The following NIBAN2 variants were observed in gnomAD, a reference collection of about 807,000 sequenced individuals.
NIBAN2 encodes niban apoptosis regulator 2, also known as protein Niban 2.
Under a neutral mutation model 81.8 loss-of-function variants are expected in NIBAN2, and 36 were observed. The observed-to-expected ratio is 0.44, with a 90% CI of 0.34 to 0.58. NIBAN2 has a LOEUF of 0.58. Ranked by LOEUF, NIBAN2 falls within the 20% of genes least tolerant of loss-of-function variation. The probability of loss-of-function intolerance (pLI) is 0.02; values close to 1 mark genes in which losing one functional copy is unlikely to be tolerated. For missense variants in NIBAN2, 897 were observed against 1,014.1 expected (o/e 0.88, Z 1.57); for synonymous variants, 445 against 441.6 (o/e 1.01, Z -0.10).
chr9:127,565,946 TCACACACACACACA>T (rs10682812), intron 1 of NIBAN2, among the ~76,000 whole-genome samples: 1 of 130,556 alleles, frequency 7.7e-6, no homozygotes. Context: ...TCTCTCTCTC[TCACACACACACACA>T]CACACACACA....
chr9:127,568,760 G>A, intron 1 of NIBAN2, 60 bp downstream of exon 1: 1 of 1,226,402 alleles, frequency 8.2e-7, no homozygotes, highest in Non-Finnish European at 1.0e-6. Context: ...GCCGGGGCGG[G>A]GGCGTGGTCC....
intron 1 of NIBAN2, among the ~76,000 whole-genome samples, chr9:127,547,881 C>A (rs1837502936): frequency 6.6e-6 from 1 of 152,136 alleles, no homozygotes; most frequent in South Asian, 2.1e-4. Context: ...ACTTTACGAT[C>A]CCCCATCTTG....
In NIBAN2 at chr9:127,549,419, G is replaced by A. The variant is rs530664913; in HGVS notation, c.56-17641C>T. ...CACACACTCACATGCACGCCCACAC[G>A]CATGCACTCACATGTGCAGGCACAC... On this transcript the variant is annotated intron_variant, in intron 1 of 13. Coordinates refer to ENST00000373312, the MANE Select transcript of NIBAN2 (RefSeq NM_022833.4). Among the ~76,000 whole-genome samples, 54 of 151,712 alleles carry A rather than the reference G, an allele frequency of 3.6e-4. No individual in the cohort carries two copies. The East Asian group carries it at 5.2e-3, about 15-fold the overall frequency.
rs1464016077 is a variant in NIBAN2, at chr9:127,523,842, G to A, written c.426C>T (p.Thr142=). ...TGGGGGCACTGCCCGACTTTGCCGT[G>A]GTCCCTGTGGAGACAGTGCCTGATG... ...LELIGNSLPG[T]TAKSGSAPIL... The change falls in exon 5 of 14, where the codon ACC becomes ACT. Residue 142 remains threonine (T), a synonymous_variant. Coordinates refer to ENST00000373312, the MANE Select transcript of NIBAN2 (RefSeq NM_022833.4). The A allele has an allele frequency of 3.5e-5, 56 of 1,609,102 alleles. No individual in the cohort carries two copies. The highest frequency in any genetic ancestry group is 4.5e-5 in the Non-Finnish European group (53 of 1,176,000).
At chr9:127,573,449 C>CTTTT (rs11394598), upstream of NIBAN2, among the ~76,000 whole-genome samples, 14,577 of 146,136 alleles carry the variant, frequency 0.1, 825 homozygotes, top group South Asian at 0.17. Context: ...GTTATTTGCC[C>CTTTT]TTTTTTTTTT....
chr9:127,540,888 G>A (rs897545654), intron 1 of NIBAN2, among the ~76,000 whole-genome samples: 2 of 152,184 alleles, frequency 1.3e-5, no homozygotes, highest in African/African-American at 4.8e-5. Context: ...GGCCCAGCCC[G>A]GTTTCAGGGT....
intron 1 of NIBAN2, among the ~76,000 whole-genome samples, chr9:127,556,890 C>T (rs1284374641): frequency 1.3e-5 from 2 of 152,160 alleles, no homozygotes; most frequent in Non-Finnish European, 2.9e-5. Context: ...GCCTGGGTAA[C>T]ACAGGGAGAC....
chr9:127,551,905 C>T (rs1837583727), intron 1 of NIBAN2, among the ~76,000 whole-genome samples: 1 of 152,130 alleles, frequency 6.6e-6, no homozygotes, highest in South Asian at 2.1e-4. Flanking sequence ...CCTCCTGTAT[C>T]CTTTGTGGCT....
Position 127,545,470 on chromosome 9 carries a change from G to T in NIBAN2, c.56-13692C>A, listed in dbSNP as rs373283382. ...CAAGTGTTAGGTCACCCAGCCTCAG[G>T]CGCCAAACAGGTCACCAGGGAGGCC... On this transcript the variant is annotated intron_variant, in intron 1 of 13. Transcript: ENST00000373312. The surrounding 1 kb of genome is among the most constrained non-coding windows in gnomAD (Gnocchi z 4.7). Among the ~76,000 whole-genome samples, 1 of 152,190 alleles carries T rather than the reference G, an allele frequency of 6.6e-6. No homozygotes were observed. Among genetic ancestry groups the T allele is most frequent in the African/African-American group, 2.4e-5 (1 of 41,456 alleles).
At chr9:127,569,558 G>A (rs980320685), upstream of NIBAN2, among the ~76,000 whole-genome samples, 6 of 151,972 alleles carry the variant, frequency 3.9e-5, no homozygotes, top group African/African-American at 1.5e-4. Context: ...CACTGGCAGG[G>A]GACGCCTGGA....
intron 3 of NIBAN2, among the ~76,000 whole-genome samples, chr9:127,526,017 A>G (rs1564302930): frequency 6.6e-6 from 1 of 152,186 alleles, no homozygotes; most frequent in African/African-American, 2.4e-5. Context: ...TATACAACAC[A>G]GTTCCTGAAA....
chr9:127,514,188 G>A (rs749822482), intron 8 of NIBAN2, among the ~76,000 whole-genome samples: 11 of 151,018 alleles, frequency 7.3e-5, no homozygotes, highest in Admixed American at 2.0e-4. Flanking sequence ...AGAATCACTT[G>A]AGCCTGGGAG....
intron 1 of NIBAN2, among the ~76,000 whole-genome samples, chr9:127,533,638 C>T (rs941376596): frequency 1.3e-5 from 2 of 151,978 alleles, no homozygotes; most frequent in Non-Finnish European, 2.9e-5. Context: ...TGTCTCAACA[C>T]ACACATAACA....
chr9:127,508,341 C>A lies in NIBAN2; in HGVS notation c.1434+81G>T. 1 of 1,391,682 alleles carries A rather than the reference C, an allele frequency of 7.2e-7. No homozygotes were observed. The highest frequency in any genetic ancestry group is 1.0e-6 in the Non-Finnish European group (1 of 989,158). The allele number at this position is 1,391,682 out of a possible 1,614,324, so 86.2% of individuals were successfully genotyped here. A position where few individuals can be genotyped will look rare whatever the true frequency, so the allele number is the denominator to read the frequency against. On this transcript the variant is annotated intron_variant, in intron 11 of 13. Transcript: ENST00000373312. This position sits in a 1 kb window ranked among gnomAD's most constrained non-coding sequence, Gnocchi z 6.4. ...CCATGGCGCCTCCTTGCAGGGACAGCAATCCTGGTGGTGGCCGGGGATGAG... is the reference window on the plus strand; with the variant it reads ...CCATGGCGCCTCCTTGCAGGGACAGAAATCCTGGTGGTGGCCGGGGATGAG...
chr9:127,509,060 C>A lies in NIBAN2; in HGVS notation c.1233G>T (p.Ser411=). The A allele has an allele frequency of 6.2e-7, 1 of 1,613,686 alleles. No individual in the cohort carries two copies. Among genetic ancestry groups the A allele is most frequent in the South Asian group, 1.1e-5 (1 of 91,042 alleles). The change falls in exon 10 of 14, where the codon TCG becomes TCT. Residue 411 remains serine (S), a synonymous_variant. Transcript: ENST00000373312. ...KMQSCYEKME[S]LRLDGLQQRF... is the part of the protein sequence containing the mutation. Reference sequence around the variant, plus strand: ...GCTGCTGCAGCCCGTCCAGTCGCAGCGACTCCATCTTCTCATAGCAGCTCT... The same window carrying A: ...GCTGCTGCAGCCCGTCCAGTCGCAGAGACTCCATCTTCTCATAGCAGCTCT...
chr9:127,517,936 G>A lies in NIBAN2; in HGVS notation c.595C>T (p.Pro199Ser), dbSNP rs780973652. 1 of 1,601,320 alleles carries A rather than the reference G, an allele frequency of 6.2e-7. No homozygotes were observed. Among genetic ancestry groups the A allele is most frequent in the South Asian group, 1.1e-5 (1 of 89,042 alleles). Residue 199 changes from proline (P) to serine (S), a missense_variant, in exon 6 of 14, where the codon CCT (proline) becomes TCT (serine). Pro to Ser is a moderately conservative substitution (Grantham distance 74). Around this residue, in one of 3 missense-constraint regions of NIBAN2, gnomAD observed 69 missense variants for 114.7 expected, o/e 0.60. Coordinates refer to ENST00000373312, the MANE Select transcript of NIBAN2 (RefSeq NM_022833.4). This position sits in a 1 kb window ranked among gnomAD's most constrained non-coding sequence, Gnocchi z 4.0. ...DCIRHCNNGI[P>S]EDSKVEGPAF... Reference sequence around the variant, plus strand: ...GGGCCCTCTACCTTGGAGTCCTCAGGGATTCCTGCCCAGGAGACGGAGGGA... The same window carrying A: ...GGGCCCTCTACCTTGGAGTCCTCAGAGATTCCTGCCCAGGAGACGGAGGGA...
chr9:127,515,293 G>A (rs1428387843), intron 8 of NIBAN2, among the ~76,000 whole-genome samples: 1 of 151,994 alleles, frequency 6.6e-6, no homozygotes, highest in African/African-American at 2.4e-5. Flanking sequence ...TGCCGAGGTG[G>A]GCGGATCATG....
chr9:127,573,464 A>G (rs1172410438), upstream of NIBAN2, among the ~76,000 whole-genome samples: 1 of 104,150 alleles, frequency 9.6e-6, no homozygotes, highest in African/African-American at 4.1e-5. Context: ...TTTTTTTTCA[A>G]GGAAAGAAAA....
chr9:127,578,107 C>T (rs1838029925), intron 1 of NIBAN2, among the ~76,000 whole-genome samples: 1 of 150,982 alleles, frequency 6.6e-6, no homozygotes, highest in South Asian at 2.1e-4. Context: ...AGGAGAATCA[C>T]TTGTATCTGG....
Sources: allele counts gnomAD v4.1 joint callset (sites outside exome capture counted in the v4.1 genomes callset), GRCh38; gene constraint gnomAD v4.1.1; regional missense constraint gnomAD v4.1.1; non-coding constraint Gnocchi (gnomAD v3.1); transcripts MANE v1.5; gene names NCBI Gene and HGNC (gene_info 2026-07-23, HGNC 2026-07-21).